The following MGST1 variants were observed in gnomAD, a reference collection of about 807,000 sequenced individuals.
The protein encoded by MGST1 is glutathione S-transferase 12.
MGST1 carries 5 observed loss-of-function variants against 8.9 expected under a neutral mutation model. That is an observed-to-expected ratio of 0.56 (90% CI 0.29 to 1.19). MGST1 has a LOEUF of 1.19. Among genes scored for constraint, MGST1 ranks in the 50% most tolerant of loss-of-function variants. MGST1 has a pLI of 0.08. For synonymous variants in MGST1, 54 were observed against 67.8 expected (o/e 0.80, Z 1.00); for missense variants, 182 against 187.4 (o/e 0.97, Z 0.17).
At chr12:16,454,547 A>G (rs955904529) in intron 4 of MGST1, among the ~76,000 whole-genome samples, 5 of 151,864 alleles carry the variant, frequency 3.3e-5, no homozygotes, top group Non-Finnish European at 5.9e-5. Flanking sequence ...AAATAAATCT[A>G]CCAAAGTCAC....
At chr12:16,492,783 C>A (rs1941448075) in intron 4 of MGST1, among the ~76,000 whole-genome samples, 1 of 152,122 alleles carries the variant, frequency 6.6e-6, no homozygotes, top group African/African-American at 2.4e-5. Context: ...GAACTACATT[C>A]CCAATCAGGA....
At chr12:16,382,066 C>T (rs1940457806), downstream of MGST1, among the ~76,000 whole-genome samples, 1 of 151,962 alleles carries the variant, frequency 6.6e-6, no homozygotes, top group Non-Finnish European at 1.5e-5. Context: ...CTTTTAACTT[C>T]TTTGCCATTG....
At chr12:16,490,398 G>T (rs1314724250) in intron 4 of MGST1, among the ~76,000 whole-genome samples, 1 of 152,194 alleles carries the variant, frequency 6.6e-6, no homozygotes, top group Non-Finnish European at 1.5e-5. Context: ...AAATGCAATA[G>T]AGCTAAGACA....
chr12:16,402,417 C>A, intron 1 of MGST1: 1 of 1,604,288 alleles, frequency 6.2e-7, no homozygotes, highest in Admixed American at 1.7e-5. Flanking sequence ...AGAGTCACAG[C>A]CATAGCCCTG....
At chr12:16,428,068 T>TA (rs1940905176) in intron 1 of MGST1, among the ~76,000 whole-genome samples, 1 of 151,892 alleles carries the variant, frequency 6.6e-6, no homozygotes, top group Non-Finnish European at 1.5e-5. Context: ...TAACCTTTTT[T>TA]AAAAAAATTA....
chr12:16,536,616 G>A (rs1941758339), intron 4 of MGST1, among the ~76,000 whole-genome samples: 1 of 152,176 alleles, frequency 6.6e-6, no homozygotes, highest in South Asian at 2.1e-4. Context: ...AGGAAGAAGA[G>A]GTTTAATTGG....
At chr12:16,570,446 A>C (rs926296040) in intron 4 of MGST1, among the ~76,000 whole-genome samples, 19 of 152,168 alleles carry the variant, frequency 1.2e-4, no homozygotes, top group African/African-American at 4.3e-4. Flanking sequence ...CAAATACTGA[A>C]ATTTTCAACA....
intron 4 of MGST1, among the ~76,000 whole-genome samples, chr12:16,470,097 A>G (rs1941282305): frequency 6.6e-6 from 1 of 152,192 alleles, no homozygotes; most frequent in Non-Finnish European, 1.5e-5. Context: ...AAGTTTCACA[A>G]TAGTTTACTT....
intron 4 of MGST1, among the ~76,000 whole-genome samples, chr12:16,472,436 T>A (rs529957804): frequency 1.3e-5 from 2 of 151,148 alleles, no homozygotes; most frequent in East Asian, 3.9e-4. Flanking sequence ...TCCTTCTGTT[T>A]TTTTTTTTTT....
chr12:16,437,624 T>G (rs1289851550), exon 2 of MGST1: 1 of 152,086 alleles, frequency 6.6e-6, no homozygotes, highest in African/African-American at 2.4e-5. Flanking sequence ...CTTCTCTCCT[T>G]GTCCAGGGCG....
At chr12:16,444,918 A>G (rs886206650) in intron 4 of MGST1, among the ~76,000 whole-genome samples, 2 of 151,850 alleles carry the variant, frequency 1.3e-5, no homozygotes, top group Non-Finnish European at 2.9e-5. Context: ...TTCTAAGGGC[A>G]TATAGTGTTT....
rs530276025 is a variant in MGST1, at chr12:16,413,360, C to CA, written n.779-24022dup. Reference sequence around the variant, plus strand: ...GCCTGCATGTCCATGAATCCTGCAGCAAAAAAGACATCTGTTCATCCCGCA... The same window carrying CA: ...GCCTGCATGTCCATGAATCCTGCAGCAAAAAAAGACATCTGTTCATCCCGCA... On this transcript the variant is annotated intron_variant and non_coding_transcript_variant, in intron 1 of 1. Coordinates refer to the MGST1 transcript ENST00000359720. This position sits in a 1 kb window ranked among gnomAD's most constrained non-coding sequence, Gnocchi z 4.0. Among the ~76,000 whole-genome samples the CA allele has an allele frequency of 3.8e-4, 58 of 152,176 alleles. 1 individual carries two copies. The highest frequency in any genetic ancestry group is 3.4e-3 in the Admixed American group (52 of 15,282).
intron 1 of MGST1, among the ~76,000 whole-genome samples, chr12:16,422,238 A>G (rs1453284938): frequency 1.3e-5 from 2 of 152,146 alleles, no homozygotes; most frequent in Non-Finnish European, 2.9e-5. Context: ...TCTATTCTCT[A>G]TAGTGTGTAT....
chr12:16,583,116 G>A (rs1204483885), intron 4 of MGST1, among the ~76,000 whole-genome samples: 1 of 150,664 alleles, frequency 6.6e-6, no homozygotes, highest in Admixed American at 6.6e-5. Flanking sequence ...CTTTTAAAGA[G>A]AATAAATGAT....
chr12:16,403,655 G>A (rs1940677731), intron 1 of MGST1, among the ~76,000 whole-genome samples: 1 of 152,014 alleles, frequency 6.6e-6, no homozygotes, highest in Non-Finnish European at 1.5e-5. Context: ...GCTTGAGATT[G>A]GGTAATTTAT....
intron 4 of MGST1, among the ~76,000 whole-genome samples, chr12:16,545,737 G>C (rs528849233): frequency 4.6e-5 from 7 of 151,860 alleles, no homozygotes; most frequent in Non-Finnish European, 8.8e-5. Context: ...TTCATGTTAT[G>C]GTTGAAAGAA....
chr12:16,434,417 G>A (rs1940965525), intron 1 of MGST1, among the ~76,000 whole-genome samples: 1 of 149,412 alleles, frequency 6.7e-6, no homozygotes, highest in Admixed American at 6.8e-5. Flanking sequence ...ATAGTTCCAA[G>A]TAATTCTCAT....
At chr12:16,496,257 T>G (rs1941469205) in intron 4 of MGST1, among the ~76,000 whole-genome samples, 1 of 151,958 alleles carries the variant, frequency 6.6e-6, no homozygotes, top group Non-Finnish European at 1.5e-5. Context: ...GAAGTGTCTA[T>G]CTCCAGGGGA....
At chr12:16,444,127 TG>T (rs1271257898) in intron 4 of MGST1, among the ~76,000 whole-genome samples, 2 of 151,646 alleles carry the variant, frequency 1.3e-5, no homozygotes, top group African/African-American at 4.8e-5. Flanking sequence ...CTTGTTTGCT[TG>T]GACCAACACT....
Sources: allele counts gnomAD v4.1 joint callset (sites outside exome capture counted in the v4.1 genomes callset), GRCh38; gene constraint gnomAD v4.1.1; non-coding constraint Gnocchi (gnomAD v3.1); transcripts MANE v1.5; gene names NCBI Gene and HGNC (gene_info 2026-07-23, HGNC 2026-07-21).